Variants in LCT observed in about 807,000 individuals in gnomAD.
LCT encodes lactase, also known as lactase/phlorizin hydrolase.
Under a neutral mutation model 173.0 loss-of-function variants are expected in LCT, and 90 were observed. The observed-to-expected ratio is 0.52, with a 90% confidence interval of 0.44 to 0.62. The LOEUF is 0.62. Among genes scored for constraint, LCT ranks in the 20% least tolerant of loss-of-function variants. LCT has a pLI of 0.00. For missense variants in LCT, 1,864 were observed against 2,431.4 expected (o/e 0.77, Z 4.91); for synonymous variants, 853 against 957.6 (o/e 0.89, Z 2.02).
At position 135,788,191 on chromosome 2, in the gene LCT, A is replaced by T; in HGVS notation, c.*133T>A. On this transcript the variant is annotated 3_prime_UTR_variant, in exon 17 of 17. Coordinates refer to ENST00000264162, the MANE Select transcript of LCT (RefSeq NM_002299.4). ...GTCGAAATCATTCAAGATTAAAGTC[A>T]TCTCTAACGGTGCAGCAGGACTTTA... 2 of 728,722 alleles carry T rather than the reference A, an allele frequency of 2.7e-6. No individual in the cohort carries two copies. The highest frequency in any genetic ancestry group is 4.9e-6 in the Non-Finnish European group (2 of 408,582). The allele number at this position is 728,722 out of a possible 1,614,324, so 45.1% of individuals were successfully genotyped here.
chr2:135,798,399 G>A (rs1230112117), intron 12 of LCT, among the ~76,000 whole-genome samples: 1 of 152,202 alleles, frequency 6.6e-6, no homozygotes, highest in Non-Finnish European at 1.5e-5. Flanking sequence ...GACAGTAACT[G>A]ACCTGGGCAC....
chr2:135,809,615 A>G lies in LCT; in HGVS notation c.2732T>C (p.Val911Ala). 1.2e-6 allele frequency: 2 copies of G among 1,614,220 alleles called. No individual in the cohort carries two copies. Among genetic ancestry groups the G allele is most frequent in the Non-Finnish European group, 1.7e-6 (2 of 1,180,048 alleles). Residue 911 changes from valine to alanine, a missense_variant, in exon 8 of 17, where the codon GTG (valine) becomes GCG (alanine). Val to Ala is a moderately conservative substitution (Grantham distance 64). Transcript: ENST00000264162. This position sits in a 1 kb window ranked among gnomAD's most constrained non-coding sequence, Gnocchi z 5.5. ...TTCAATCTGATAAGCGGAAGAGGAC[A>G]CGCCCCACAGAAAGTCATCCCGAAA... Reference protein sequence around the residue: ...GTFRDDFLWGVSSSAYQIEGA... With the variant: ...GTFRDDFLWGASSSAYQIEGA...
chr2:135,809,382 T>G lies in LCT; in HGVS notation c.2965A>C (p.Asn989His), dbSNP rs1225351316. 6.2e-7 allele frequency: 1 copy of G among 1,614,202 alleles called. No individual in the cohort carries two copies. Among genetic ancestry groups the G allele is most frequent in the Admixed American group, 1.7e-5 (1 of 60,028 alleles). The change falls in exon 8 of 17, where the codon AAC (asparagine) becomes CAC (histidine). Residue 989 changes from asparagine to histidine, a missense_variant. Asn to His is a moderately conservative substitution (Grantham distance 68). Transcript: ENST00000264162. The surrounding 1 kb of genome is among the most constrained non-coding windows in gnomAD (Gnocchi z 5.5). ...SWSRIFPTGR[N>H]SSINSHGVDY... ...ACCCCATGACTGTTGATAGAGCTGT[T>G]TCTCCCAGTTGGGAAAATCCGAGAC...
chr2:135,835,028 G>T (rs1041058358), intron 1 of LCT, among the ~76,000 whole-genome samples: 1 of 151,990 alleles, frequency 6.6e-6, no homozygotes, highest in Non-Finnish European at 1.5e-5. Context: ...AAAGAATGCA[G>T]ATCTTTTCAC....
chr2:135,828,321 C>T (rs1177898953), intron 3 of LCT, among the ~76,000 whole-genome samples: 1 of 152,176 alleles, frequency 6.6e-6, no homozygotes, highest in Non-Finnish European at 1.5e-5. Context: ...CTGTGCCTAG[C>T]CAAACTTGGC....
intron 1 of LCT, among the ~76,000 whole-genome samples, chr2:135,835,420 G>C (rs962289423): frequency 7.1e-6 from 1 of 141,018 alleles, no homozygotes; most frequent in African/African-American, 2.6e-5. Flanking sequence ...CCTGGCTCAA[G>C]TTTTTAATAA....
At chr2:135,795,604 CTAATAATAA>C (rs768794511) in intron 13 of LCT, among the ~76,000 whole-genome samples, 11 of 146,078 alleles carry the variant, frequency 7.5e-5, no homozygotes, top group East Asian at 2.1e-4. Flanking sequence ...TTCTCCAACT[CTAATAATAA>C]TAATAATAAT....
intron 12 of LCT, 141 bp from the exon 13 acceptor site, chr2:135,798,279 T>C: frequency 1.4e-6 from 1 of 698,214 alleles, no homozygotes; most frequent in Non-Finnish European, 2.6e-6. Context: ...TCCCTGTGGC[T>C]CCTGCCTGTT....
chr2:135,799,977 G>C (rs1414892082), intron 12 of LCT, among the ~76,000 whole-genome samples: 1 of 152,204 alleles, frequency 6.6e-6, no homozygotes. Context: ...TCAAACCAGA[G>C]AGACTGAAGA....
chr2:135,795,533 C>A (rs1324691192), intron 13 of LCT, among the ~76,000 whole-genome samples: 1 of 151,552 alleles, frequency 6.6e-6, no homozygotes, highest in Admixed American at 6.6e-5. Flanking sequence ...ATTTGTATTT[C>A]CGTTTTCTGC....
chr2:135,803,603 G>T (rs1381375892), intron 11 of LCT, among the ~76,000 whole-genome samples: 1 of 152,224 alleles, frequency 6.6e-6, no homozygotes, highest in Admixed American at 6.5e-5. Flanking sequence ...TTTGGGAATT[G>T]TGGAAATAGA....
At chr2:135,797,227 T>C (rs6430588) in intron 13 of LCT, among the ~76,000 whole-genome samples, 118,855 of 151,832 alleles carry the variant, frequency 0.78, 46,994 homozygotes, top group Non-Finnish European at 0.84. Context: ...GGATTACAGG[T>C]GTGAGCCACC....
At chr2:135,835,633 C>G (rs1232035915) in intron 1 of LCT, among the ~76,000 whole-genome samples, 1 of 150,294 alleles carries the variant, frequency 6.7e-6, no homozygotes, top group Non-Finnish European at 1.5e-5. Flanking sequence ...ACCTAACATA[C>G]ACTTAGGGAA....
chr2:135,806,701 T>C (rs757615402), intron 9 of LCT, among the ~76,000 whole-genome samples: 5 of 152,250 alleles, frequency 3.3e-5, no homozygotes, highest in Non-Finnish European at 7.3e-5. Context: ...AGCACTAGGC[T>C]ATACCATGTA....
At chr2:135,827,694 T>G (rs1261319975) in intron 3 of LCT, among the ~76,000 whole-genome samples, 1 of 152,174 alleles carries the variant, frequency 6.6e-6, no homozygotes, top group Non-Finnish European at 1.5e-5. Flanking sequence ...GGGTTTGTGC[T>G]CCTATCTAAT....
Position 135,789,739 on chromosome 2 carries a change from C to T in LCT, c.5395G>A (p.Glu1799Lys), listed in dbSNP as rs1015566945. ...YTVWSAMDNF[E>K]WATGFSERFG... is the part of the protein sequence containing the mutation. ...CTCTCTGAAAAGCCTGTGGCCCACTCAAAATTGTCCATCGCACTCCAAACT... is the reference window on the plus strand; with the variant it reads ...CTCTCTGAAAAGCCTGTGGCCCACTTAAAATTGTCCATCGCACTCCAAACT... The change falls in exon 16 of 17, where the codon GAG (glutamate) becomes AAG (lysine). Residue 1799 changes from glutamate (E) to lysine (K), a missense_variant. Glu to Lys is a moderately conservative substitution (Grantham distance 56). Around this residue, in one of 4 missense-constraint regions of LCT, gnomAD observed 514 missense variants for 750.1 expected, o/e 0.69. Transcript: ENST00000264162. 1 of 1,614,126 alleles carries T rather than the reference C, an allele frequency of 6.2e-7. No individual in the cohort carries two copies. Among genetic ancestry groups the T allele is most frequent in the Admixed American group, 1.7e-5 (1 of 60,010 alleles).
chr2:135,808,384 G>C, intron 8 of LCT, 59 bp downstream of exon 8: 3 of 1,305,420 alleles, frequency 2.3e-6, no homozygotes, highest in Non-Finnish European at 3.3e-6. Flanking sequence ...AAACATTTCA[G>C]GCATATGACC....
Position 135,797,145 on chromosome 2 carries a change from G to A in LCT, c.4976+884C>T, listed in dbSNP as rs550447609. ...GTATTTTTAGTAGAGACAGGGTTTC[G>A]CCATGTTGGCCAGCCTGGTCTTGAA... On this transcript the variant is annotated intron_variant, in intron 13 of 16. Transcript: ENST00000264162. 7.9e-5 allele frequency among the ~76,000 whole-genome samples: 12 copies of A among 151,798 alleles called. No individual in the cohort carries two copies. In the East Asian group the frequency reaches 1.2e-3, roughly 15 times the overall value.
chr2:135,836,013 TATGTATACATA>T lies in LCT; in HGVS notation c.640+506_640+516del, dbSNP rs1251027879. ...ATATATATATATATATATATATATATATGTATACATATTTTTTTTTTTTGAGATTGTGTCTT... is the reference window on the plus strand; with the variant it reads ...ATATATATATATATATATATATATATTTTTTTTTTTTTGAGATTGTGTCTT... On this transcript the variant is annotated intron_variant, in intron 1 of 16. Coordinates refer to ENST00000264162, the MANE Select transcript of LCT (RefSeq NM_002299.4). Among the ~76,000 whole-genome samples, 15 of 14,030 alleles carry T rather than the reference TATGTATACATA, an allele frequency of 1.1e-3. 1 individual carries two copies. Among genetic ancestry groups the T allele is most frequent in the Non-Finnish European group, 2.6e-3 (7 of 2,740 alleles). The allele number at this position is 14,030 out of a possible 152,430, so 9.2% of individuals were successfully genotyped here.
Sources: gnomAD v4.1 joint callset for allele counts (sites outside exome capture counted in the v4.1 genomes callset) on GRCh38, gnomAD v4.1.1 for gene constraint, gnomAD v4.1.1 regional missense constraint, Gnocchi (gnomAD v3.1) non-coding constraint, MANE v1.5 for transcripts, NCBI Gene and HGNC (gene_info 2026-07-23, HGNC 2026-07-21) for gene names.